The following EVI5 variants were observed in gnomAD, a reference collection of about 807,000 sequenced individuals.
The protein encoded by EVI5 is ecotropic viral integration site 5 protein homolog.
Under a neutral mutation model 112.0 loss-of-function variants are expected in EVI5, and 73 were observed. That is an observed-to-expected ratio of 0.65 (90% CI 0.54 to 0.79). The LOEUF (loss-of-function observed/expected upper bound fraction) is 0.79. Ranked by LOEUF, EVI5 falls within the 30% of genes least tolerant of loss-of-function variation. EVI5 has a pLI of 0.00. For synonymous variants in EVI5, 305 were observed against 319.9 expected, an observed-to-expected ratio of 0.95 and a Z score of 0.50; for missense variants, 900 against 968.8, an observed-to-expected ratio of 0.93 and a Z score of 0.94.
At chr1:92,560,713 C>T (rs537992417) in intron 19 of EVI5, among the ~76,000 whole-genome samples, 59 of 152,104 alleles carry the variant, frequency 3.9e-4, no homozygotes, top group African/African-American at 1.3e-3. Flanking sequence ...AGGTGCATGC[C>T]ACCAGGCCTG....
At chr1:92,748,264 C>A (rs1346209305) in intron 1 of EVI5, among the ~76,000 whole-genome samples, 1 of 152,110 alleles carries the variant, frequency 6.6e-6, no homozygotes, top group Non-Finnish European at 1.5e-5. Flanking sequence ...CCCAAACTAG[C>A]CCACGCAGAG....
intron 18 of EVI5, among the ~76,000 whole-genome samples, 181 bp downstream of exon 18, chr1:92,605,126 G>A (rs1052681662): frequency 1.3e-5 from 2 of 151,966 alleles, no homozygotes; most frequent in East Asian, 3.9e-4. Context: ...TAATGCTGCA[G>A]AACTGTATAC....
At chr1:92,758,151 T>C (rs1164880290) in intron 1 of EVI5, among the ~76,000 whole-genome samples, 3 of 152,180 alleles carry the variant, frequency 2.0e-5, no homozygotes, top group African/African-American at 7.2e-5. Flanking sequence ...TATTAACAGC[T>C]ACCTCAAGAT....
At chr1:92,654,289 G>A (rs1662648675) in intron 13 of EVI5, among the ~76,000 whole-genome samples, 1 of 152,066 alleles carries the variant, frequency 6.6e-6, no homozygotes, top group Admixed American at 6.5e-5. Flanking sequence ...CAACCCAACA[G>A]AAAATCTGCT....
chr1:92,698,420 G>A (rs1185300796), intron 5 of EVI5, among the ~76,000 whole-genome samples: 1 of 152,132 alleles, frequency 6.6e-6, no homozygotes, highest in Non-Finnish European at 1.5e-5. Context: ...AATAAAGTAG[G>A]GAATGCTGGG....
At chr1:92,638,826 T>C (rs1383966838) in intron 13 of EVI5, among the ~76,000 whole-genome samples, 1 of 152,090 alleles carries the variant, frequency 6.6e-6, no homozygotes, top group East Asian at 1.9e-4. Flanking sequence ...CATATAGGTG[T>C]TGAAGAGTTT....
intron 19 of EVI5, among the ~76,000 whole-genome samples, chr1:92,538,164 G>C (rs1337706915): frequency 1.3e-5 from 2 of 152,150 alleles, no homozygotes; most frequent in Non-Finnish European, 2.9e-5. Context: ...AACTGCCACT[G>C]AATGTCTTCT....
At chr1:92,606,261 T>C (rs1650356971) in intron 17 of EVI5, among the ~76,000 whole-genome samples, 2 of 152,240 alleles carry the variant, frequency 1.3e-5, no homozygotes, top group African/African-American at 4.8e-5. Context: ...CCTCAAAGAT[T>C]TATTTCCAAA....
At chr1:92,727,610 A>G (rs1029654538) in intron 2 of EVI5, among the ~76,000 whole-genome samples, 1 of 152,180 alleles carries the variant, frequency 6.6e-6, no homozygotes, top group Non-Finnish European at 1.5e-5. Flanking sequence ...AAAAAATAAA[A>G]CTTTAATTTT....
rs535495261 is a variant in EVI5 at position 92,596,935 on chromosome 1, C to G, written c.2070+8372G>C. ...AATGTGACTTTTTACATAAGGTCTA[C>G]GAGCTGTTTTTCCGGATATTATGTA... On this transcript the variant is annotated intron_variant, in intron 18 of 19. Coordinates refer to ENST00000684568, the MANE Select transcript of EVI5 (RefSeq NM_001350197.2). 1.8e-4 allele frequency among the ~76,000 whole-genome samples: 27 copies of G among 152,164 alleles called. No individual in the cohort carries two copies. In the East Asian group the frequency reaches 5.0e-3, roughly 28 times the overall value.
chr1:92,562,861 C>T (rs1365994581), intron 19 of EVI5, among the ~76,000 whole-genome samples: 2 of 152,070 alleles, frequency 1.3e-5, no homozygotes, highest in Non-Finnish European at 2.9e-5. Flanking sequence ...ATTTCTCTTT[C>T]TTCTTCTTTT....
chr1:92,697,986 C>G lies in EVI5; in HGVS notation c.640-1G>C. 1 of 1,607,310 alleles carries G rather than the reference C, an allele frequency of 6.2e-7. No homozygotes were observed. The highest frequency in any genetic ancestry group is 8.5e-7 in the Non-Finnish European group (1 of 1,177,376). On this transcript the variant is annotated splice_acceptor_variant, in intron 5 of 19. Coordinates refer to ENST00000684568, the MANE Select transcript of EVI5 (RefSeq NM_001350197.2). LOFTEE classifies it high-confidence loss of function. ...CACAGAAAGCTTCTTCTTCTGGCAT[C>G]TACATTGGAAGAAAAAAAAACAACA...
chr1:92,680,922 T>C (rs1352918058), intron 9 of EVI5, among the ~76,000 whole-genome samples: 2 of 152,026 alleles, frequency 1.3e-5, no homozygotes, highest in South Asian at 2.1e-4. Context: ...TATGTCAGAT[T>C]AAAGAAAACC....
At chr1:92,561,178 T>C (rs949879865) in intron 19 of EVI5, among the ~76,000 whole-genome samples, 2 of 152,198 alleles carry the variant, frequency 1.3e-5, no homozygotes, top group Non-Finnish European at 2.9e-5. Context: ...GTAAGCATTT[T>C]TATAATGGTC....
chr1:92,687,985 A>G (rs1476009281), intron 9 of EVI5, among the ~76,000 whole-genome samples: 1 of 152,226 alleles, frequency 6.6e-6, no homozygotes, highest in Admixed American at 6.5e-5. Flanking sequence ...CAATTCCTCA[A>G]GGATCTAGAA....
At chr1:92,734,837 T>A (rs1037066925) in intron 2 of EVI5, among the ~76,000 whole-genome samples, 1 of 152,084 alleles carries the variant, frequency 6.6e-6, no homozygotes, top group African/African-American at 2.4e-5. Flanking sequence ...AATAATCAAA[T>A]TTTTTTTTAA....
At chr1:92,559,005 G>A (rs1236534836) in intron 19 of EVI5, among the ~76,000 whole-genome samples, 1 of 152,134 alleles carries the variant, frequency 6.6e-6, no homozygotes, top group East Asian at 1.9e-4. Context: ...AATGGGTCCA[G>A]GATGTCCCAA....
chr1:92,621,108 T>C (rs1203136958), intron 16 of EVI5, among the ~76,000 whole-genome samples: 1 of 151,878 alleles, frequency 6.6e-6, no homozygotes, highest in African/African-American at 2.4e-5. Context: ...TATAAATAAA[T>C]AAGTCAAATG....
chr1:92,762,301 T>G (rs1681999170), intron 1 of EVI5, among the ~76,000 whole-genome samples: 2 of 152,236 alleles, frequency 1.3e-5, no homozygotes, highest in Non-Finnish European at 2.9e-5. Context: ...GACACATTAC[T>G]GCTGCTGCTA....
Sources: allele counts gnomAD v4.1 joint callset (sites outside exome capture counted in the v4.1 genomes callset), GRCh38; gene constraint gnomAD v4.1.1; transcripts MANE v1.5; gene names NCBI Gene and HGNC (gene_info 2026-07-23, HGNC 2026-07-21).